The following PTPRM variants were observed in gnomAD, a reference collection of about 807,000 sequenced individuals.
The protein encoded by PTPRM is receptor-type tyrosine-protein phosphatase mu.
In PTPRM, 47 loss-of-function variants were observed where a neutral mutation model predicts 186.7. The observed-to-expected ratio is 0.25, with a 90% CI of 0.20 to 0.32. The LOEUF is 0.32. PTPRM is among the 10% of genes least tolerant of loss of function. PTPRM has a pLI of 1.00. For synonymous variants in PTPRM, 668 were observed against 674.9 expected, an observed-to-expected ratio of 0.99 and a Z score of 0.16; for missense variants, 1,494 against 1,865.0, an observed-to-expected ratio of 0.80 and a Z score of 3.66.
intron 2 of PTPRM, among the ~76,000 whole-genome samples, chr18:7,792,725 T>C (rs73395403): frequency 0.016 from 2,428 of 152,242 alleles, 44 homozygotes; most frequent in African/African-American, 0.049. Context: ...AGTGCAGTGG[T>C]GCGATCACGG....
At chr18:7,618,168 C>G (rs2143938580) in intron 1 of PTPRM, among the ~76,000 whole-genome samples, 1 of 152,188 alleles carries the variant, frequency 6.6e-6, no homozygotes, top group African/African-American at 2.4e-5. Context: ...CCTCTCCACT[C>G]AAAAAACTTT....
intron 2 of PTPRM, among the ~76,000 whole-genome samples, chr18:7,864,247 T>G (rs2047551437): frequency 6.6e-6 from 1 of 152,250 alleles, no homozygotes; most frequent in Non-Finnish European, 1.5e-5. Flanking sequence ...TTGCTTTTGG[T>G]GTTTTAGTCA....
At chr18:7,587,677 C>G (rs2037015041) in intron 1 of PTPRM, among the ~76,000 whole-genome samples, 5 of 151,760 alleles carry the variant, frequency 3.3e-5, no homozygotes, top group Admixed American at 3.3e-4. Flanking sequence ...ATTGGGAAAA[C>G]AAAAATAATA....
At position 8,143,786 on chromosome 18, in the gene PTPRM, T is replaced by C. The variant is rs1370176769; in HGVS notation, c.2300+7T>C. The C allele has an allele frequency of 6.2e-7, 1 of 1,613,934 alleles. No individual in the cohort carries two copies. The highest frequency in any genetic ancestry group is 1.7e-5 in the Admixed American group (1 of 60,026). The stretch of plus-strand genomic sequence containing the variant: ...TGTTGGTAATGAAGAAAAGGTGAGC[T>C]CCTAGCTGTTGCCAAAGATACAGTT... On this transcript the variant is annotated splice_region_variant and intron_variant, in intron 14 of 32. Transcript: ENST00000580170.
intron 7 of PTPRM, among the ~76,000 whole-genome samples, chr18:8,001,609 A>G (rs769658983): frequency 6.6e-6 from 1 of 152,090 alleles, no homozygotes; most frequent in African/African-American, 2.4e-5. Context: ...ATTCTCAGGT[A>G]TGTATTCCAA....
chr18:7,755,817 G>A (rs2041458519), intron 1 of PTPRM, among the ~76,000 whole-genome samples: 1 of 152,184 alleles, frequency 6.6e-6, no homozygotes, highest in Admixed American at 6.5e-5. Context: ...GGGCAGCTAA[G>A]GTGAGAGTTT....
At chr18:7,785,993 C>G (rs1283668368) in intron 2 of PTPRM, among the ~76,000 whole-genome samples, 1 of 152,158 alleles carries the variant, frequency 6.6e-6, no homozygotes, top group Admixed American at 6.5e-5. Flanking sequence ...TGCTTGCATT[C>G]ATTTGTATCC....
At chr18:8,392,354 G>T (rs1369502416) in intron 31 of PTPRM, among the ~76,000 whole-genome samples, 1 of 152,148 alleles carries the variant, frequency 6.6e-6, no homozygotes, top group South Asian at 2.1e-4. Context: ...GCCGGGCGCG[G>T]TGGCTCACAC....
At chr18:7,834,682 G>A (rs933471307) in intron 2 of PTPRM, among the ~76,000 whole-genome samples, 5 of 151,554 alleles carry the variant, frequency 3.3e-5, no homozygotes, top group Non-Finnish European at 7.4e-5. Context: ...AGTAGGATTG[G>A]TATTAGTTCA....
rs532803407 is a variant in PTPRM, at chr18:7,772,505, C to CT, written c.74-1636dup. 2.0e-4 allele frequency among the ~76,000 whole-genome samples: 24 copies of CT among 118,454 alleles called. 1 individual carries two copies. The South Asian group carries it at 6.8e-3, about 33-fold the overall frequency. The allele number at this position is 118,454 out of a possible 152,430, so 77.7% of individuals were successfully genotyped here. A position where few individuals can be genotyped will look rare whatever the true frequency, so the allele number is the denominator to read the frequency against. On this transcript the variant is annotated intron_variant, in intron 1 of 32. Coordinates refer to ENST00000580170, the MANE Select transcript of PTPRM (RefSeq NM_001105244.2). ...TCCTTCCTTCCTTCCTTCCTTCCTT[C>CT]TTTTTTTTCTATTTTTTCACAGGCT... is the stretch of plus-strand genomic sequence containing the variant.
At chr18:7,914,409 CTGACTT>C (rs1196279945) in intron 4 of PTPRM, among the ~76,000 whole-genome samples, 1 of 152,068 alleles carries the variant, frequency 6.6e-6, no homozygotes, top group African/African-American at 2.4e-5. Flanking sequence ...GAAAACAAAA[CTGACTT>C]TGACCTGAAA....
At chr18:7,808,577 C>G (rs1445238730) in intron 2 of PTPRM, among the ~76,000 whole-genome samples, 2 of 152,178 alleles carry the variant, frequency 1.3e-5, no homozygotes, top group East Asian at 3.9e-4. Flanking sequence ...GGATTCAAGT[C>G]ATAGGAAATG....
At chr18:8,080,166 T>C (rs1600445208) in intron 9 of PTPRM, among the ~76,000 whole-genome samples, 1 of 21,518 alleles carries the variant, frequency 4.6e-5, no homozygotes, top group African/African-American at 2.4e-4. Context: ...TTTTGCAGTC[T>C]TTTTTTTTGT....
chr18:7,923,081 T>C (rs2050961916), intron 4 of PTPRM, among the ~76,000 whole-genome samples: 1 of 152,222 alleles, frequency 6.6e-6, no homozygotes, highest in Admixed American at 6.5e-5. Context: ...GAGTCATTAC[T>C]GAAAATATTT....
intron 1 of PTPRM, among the ~76,000 whole-genome samples, chr18:7,678,940 C>T (rs980727570): frequency 7.7e-4 from 117 of 152,226 alleles, no homozygotes; most frequent in Non-Finnish European, 2.9e-5. Context: ...AGTGAATGTG[C>T]GTTTTTAAAC....
chr18:8,275,375 T>C lies in PTPRM; in HGVS notation c.2755-20993T>C, dbSNP rs868802733. On this transcript the variant is annotated intron_variant, in intron 19 of 32. Transcript: ENST00000580170. ...GGGAGGATCACTGGAGCCCAGTAGGTTGAGGCTTCAGTAAGCTATGATTGC... is the reference window on the plus strand; with the variant it reads ...GGGAGGATCACTGGAGCCCAGTAGGCTGAGGCTTCAGTAAGCTATGATTGC... 3.3e-5 allele frequency among the ~76,000 whole-genome samples: 5 copies of C among 152,238 alleles called. No homozygotes were observed. In the South Asian group the frequency reaches 1.0e-3, roughly 32 times the overall value.
chr18:7,607,323 C>T (rs7226532), intron 1 of PTPRM, among the ~76,000 whole-genome samples: 7,711 of 152,214 alleles, frequency 0.051, 683 homozygotes, highest in African/African-American at 0.18. Flanking sequence ...TCTTCACTCA[C>T]TGGCATGTGG....
At chr18:8,248,537 C>G (rs1196308124) in intron 17 of PTPRM, among the ~76,000 whole-genome samples, 1 of 152,150 alleles carries the variant, frequency 6.6e-6, no homozygotes, top group Admixed American at 6.5e-5. Context: ...TGAATTCTGT[C>G]TAGTGTGATA....
intron 7 of PTPRM, among the ~76,000 whole-genome samples, chr18:7,991,655 A>C (rs1231246839): frequency 6.6e-6 from 1 of 152,192 alleles, no homozygotes; most frequent in Admixed American, 6.5e-5. Context: ...CTTTGTGAGC[A>C]TCTTAGATTT....
Sources: allele counts gnomAD v4.1 joint callset (sites outside exome capture counted in the v4.1 genomes callset), GRCh38; gene constraint gnomAD v4.1.1; transcripts MANE v1.5; gene names NCBI Gene and HGNC (gene_info 2026-07-23, HGNC 2026-07-21).